Variants in ZCWPW2 observed in about 807,000 individuals in gnomAD.
ZCWPW2 encodes the protein zinc finger CW-type PWWP domain protein 2.
In ZCWPW2, 45 loss-of-function variants were observed where a neutral mutation model predicts 46.6. That is an observed-to-expected ratio of 0.96 (90% confidence interval 0.76 to 1.24). The LOEUF is 1.24. ZCWPW2 is among the 50% of genes most tolerant of loss of function. ZCWPW2 has a pLI of 0.00. For missense variants in ZCWPW2, 429 were observed against 403.9 expected, an observed-to-expected ratio of 1.06 and a Z score of -0.53; for synonymous variants, 152 against 137.1, an observed-to-expected ratio of 1.11 and a Z score of -0.76.
chr3:28,496,810 A>G (rs541763411), intron 6 of ZCWPW2, among the ~76,000 whole-genome samples: 3 of 151,828 alleles, frequency 2.0e-5, no homozygotes, highest in Admixed American at 2.0e-4. Context: ...ATTATGGGGC[A>G]TATTCAATAC....
At chr3:28,393,064 T>A (rs2125719877) in intron 2 of ZCWPW2, among the ~76,000 whole-genome samples, 1 of 151,444 alleles carries the variant, frequency 6.6e-6, no homozygotes, top group Non-Finnish European at 1.5e-5. Context: ...GTAGCTCAAC[T>A]AAGAAAAAGG....
chr3:28,413,509 G>T, intron 3 of ZCWPW2, 109 bp downstream of exon 3: 5 of 956,450 alleles, frequency 5.2e-6, no homozygotes, highest in South Asian at 2.2e-5. Context: ...CTTGTTTCTT[G>T]ATTTATCATT....
intron 5 of ZCWPW2, among the ~76,000 whole-genome samples, chr3:28,491,623 G>T (rs954305361): frequency 6.6e-6 from 1 of 152,050 alleles, no homozygotes; most frequent in Admixed American, 6.6e-5. Flanking sequence ...TTCTGGCCAA[G>T]CTGCATGACC....
At chr3:28,492,909 A>G (rs1699860924) in intron 6 of ZCWPW2, among the ~76,000 whole-genome samples, 1 of 152,056 alleles carries the variant, frequency 6.6e-6, no homozygotes, top group Non-Finnish European at 1.5e-5. Flanking sequence ...GAGGCAGAGC[A>G]GATCAAGGGA....
chr3:28,435,350 T>C (rs1280724594), intron 4 of ZCWPW2, 81 bp downstream of exon 4: 35 of 1,389,280 alleles, frequency 2.5e-5, no homozygotes, highest in Non-Finnish European at 3.4e-5. Context: ...TCATAAAATA[T>C]GTATAAGTTG....
intron 2 of ZCWPW2, among the ~76,000 whole-genome samples, chr3:28,402,347 A>G (rs532758864): frequency 1.3e-5 from 2 of 152,264 alleles, no homozygotes; most frequent in East Asian, 3.9e-4. Context: ...AAATTCCTGG[A>G]AAGATACACC....
intron 9 of ZCWPW2, among the ~76,000 whole-genome samples, chr3:28,521,411 C>A (rs1243553467): frequency 6.6e-6 from 1 of 152,086 alleles, no homozygotes; most frequent in Non-Finnish European, 1.5e-5. Context: ...GTAGGCCACT[C>A]CAGAGAGAAT....
Position 28,499,231 on chromosome 3 carries a change from C to A in ZCWPW2, c.657+7058C>A, listed in dbSNP as rs139278220. Among the ~76,000 whole-genome samples, 753 of 152,264 alleles carry A rather than the reference C, an allele frequency of 4.9e-3. 12 individuals are homozygous for A. The highest frequency in any genetic ancestry group is 0.017 in the African/African-American group (699 of 41,552). On this transcript the variant is annotated intron_variant, in intron 6 of 9. Coordinates refer to ENST00000383768, the MANE Select transcript of ZCWPW2 (RefSeq NM_001040432.4). Reference sequence around the variant, plus strand: ...CCTTGCGGAATCACCACACTGTCTTCCACAGTGGTTGAACTAATTTATACT... The same window carrying A: ...CCTTGCGGAATCACCACACTGTCTTACACAGTGGTTGAACTAATTTATACT...
chr3:28,484,617 T>C (rs1343953824), intron 5 of ZCWPW2, among the ~76,000 whole-genome samples: 1 of 152,128 alleles, frequency 6.6e-6, no homozygotes, highest in Admixed American at 6.6e-5. Context: ...GGATTTGTTA[T>C]AATGTCTACC....
chr3:28,383,350 C>A (rs561886599), intron 1 of ZCWPW2, among the ~76,000 whole-genome samples: 1 of 148,744 alleles, frequency 6.7e-6, no homozygotes, highest in East Asian at 1.9e-4. Flanking sequence ...TGACACAAAG[C>A]AAAGGTTAAT....
At chr3:28,449,000 C>A (rs951024151) in intron 4 of ZCWPW2, among the ~76,000 whole-genome samples, 4 of 151,986 alleles carry the variant, frequency 2.6e-5, no homozygotes, top group Non-Finnish European at 2.9e-5. Flanking sequence ...AGGACTCACA[C>A]TTCCTGATTT....
At chr3:28,492,378 G>T (rs562841556) in intron 6 of ZCWPW2, among the ~76,000 whole-genome samples, 4 of 152,112 alleles carry the variant, frequency 2.6e-5, no homozygotes, top group Non-Finnish European at 4.4e-5. Context: ...TTATCGGACT[G>T]TCAGAAATTA....
At chr3:28,351,997 A>G (rs1326585208) in intron 1 of ZCWPW2, among the ~76,000 whole-genome samples, 1 of 152,162 alleles carries the variant, frequency 6.6e-6, no homozygotes, top group Admixed American at 6.6e-5. Context: ...AAATGATTTC[A>G]AGAATACTAC....
chr3:28,351,107 T>C (rs6763313), intron 1 of ZCWPW2, among the ~76,000 whole-genome samples: 80,657 of 151,124 alleles, frequency 0.53, 22,376 homozygotes, highest in African/African-American at 0.58. Flanking sequence ...GCTACAAATT[T>C]AATCTGAAAT....
In ZCWPW2 at chr3:28,524,697, A is replaced by G. The variant is rs1700808458; in HGVS notation, c.*9A>G. ...TGATGTCTGAGTTTTAGAACATTAT[A>G]CATTTTTCAAATTAATTATAAAAAT... On this transcript the variant is annotated 3_prime_UTR_variant, in exon 10 of 10. Transcript: ENST00000383768. 2.7e-6 allele frequency: 4 copies of G among 1,468,766 alleles called. No individual in the cohort carries two copies. In the East Asian group the frequency reaches 9.8e-5, roughly 36 times the overall value. The allele number at this position is 1,468,766 out of a possible 1,614,324, so 91.0% of individuals were successfully genotyped here.
chr3:28,389,248 G>T (rs1034671726), intron 1 of ZCWPW2, among the ~76,000 whole-genome samples: 1 of 152,132 alleles, frequency 6.6e-6, no homozygotes. Context: ...AGATATAAGG[G>T]TCCCCTTCAG....
At chr3:28,376,515 C>T (rs938294189) in intron 1 of ZCWPW2, among the ~76,000 whole-genome samples, 2 of 152,072 alleles carry the variant, frequency 1.3e-5, no homozygotes, top group Non-Finnish European at 2.9e-5. Context: ...TCTCTGTACT[C>T]AATTTTCCTA....
chr3:28,458,257 A>T (rs1698496865), intron 4 of ZCWPW2, among the ~76,000 whole-genome samples: 1 of 152,186 alleles, frequency 6.6e-6, no homozygotes, highest in Admixed American at 6.5e-5. Flanking sequence ...CATCTGTAAA[A>T]TGAGGATTCT....
At chr3:28,357,408 T>G (rs1311784016) in intron 1 of ZCWPW2, among the ~76,000 whole-genome samples, 2 of 152,328 alleles carry the variant, frequency 1.3e-5, no homozygotes, top group African/African-American at 4.8e-5. Context: ...GGGCTGCCCA[T>G]GTATTTGGTT....
Sources: gnomAD v4.1 joint callset for allele counts (sites outside exome capture counted in the v4.1 genomes callset) on GRCh38, gnomAD v4.1.1 for gene constraint, MANE v1.5 for transcripts, NCBI Gene and HGNC (gene_info 2026-07-23, HGNC 2026-07-21) for gene names.